The following PCDH7 variants were observed in gnomAD, a reference collection of about 807,000 sequenced individuals.
The protein encoded by PCDH7 is protocadherin 7, also known as protocadherin-7.
In PCDH7, 17 loss-of-function variants were observed where a neutral mutation model predicts 58.9. The observed-to-expected ratio is 0.29, with a 90% confidence interval of 0.20 to 0.43. The LOEUF is 0.43. Among genes scored for constraint, PCDH7 ranks in the 20% least tolerant of loss-of-function variants. The pLI, the probability that PCDH7 is intolerant of heterozygous loss-of-function variation, is 1.00. For missense variants in PCDH7, 1,274 were observed against 1,441.0 expected (o/e 0.88, Z 1.88); for synonymous variants, 664 against 616.4 (o/e 1.08, Z -1.14).
At chr4:30,782,519 A>G (rs995103333) in intron 1 of PCDH7, among the ~76,000 whole-genome samples, 2 of 152,190 alleles carry the variant, frequency 1.3e-5, no homozygotes, top group African/African-American at 2.4e-5. Flanking sequence ...GAGAGAAAAG[A>G]TTTCTTTTTC....
intron 1 of PCDH7, among the ~76,000 whole-genome samples, chr4:30,894,516 T>TATACACACAC (rs1400204196): frequency 3.1e-5 from 1 of 32,208 alleles, no homozygotes; most frequent in Non-Finnish European, 5.1e-5. Flanking sequence ...TATATATATA[T>TATACACACAC]ACACACACAC....
intron 3 of PCDH7, among the ~76,000 whole-genome samples, chr4:30,959,651 T>A (rs2109457791): frequency 6.6e-6 from 1 of 152,296 alleles, no homozygotes; most frequent in Admixed American, 6.5e-5. Context: ...ATTAAATCAA[T>A]TTTAAAGTGC....
intron 1 of PCDH7, among the ~76,000 whole-genome samples, chr4:30,875,227 G>C (rs1387904716): frequency 6.6e-6 from 1 of 152,016 alleles, no homozygotes; most frequent in Non-Finnish European, 1.5e-5. Flanking sequence ...CCATCGTCGT[G>C]TTCACATCTT....
At chr4:31,048,116 C>G (rs1560601772) in intron 3 of PCDH7, among the ~76,000 whole-genome samples, 1 of 151,816 alleles carries the variant, frequency 6.6e-6, no homozygotes, top group Non-Finnish European at 1.5e-5. Context: ...AATTGTATCT[C>G]TACTATCTAG....
At chr4:31,011,869 T>C (rs972572821) in intron 3 of PCDH7, among the ~76,000 whole-genome samples, 1 of 152,060 alleles carries the variant, frequency 6.6e-6, no homozygotes, top group Non-Finnish European at 1.5e-5. Flanking sequence ...ATAATTATTT[T>C]TTAAGGTCTA....
intron 3 of PCDH7, among the ~76,000 whole-genome samples, chr4:31,116,583 G>A (rs1343464533): frequency 2.0e-5 from 3 of 152,140 alleles, no homozygotes; most frequent in South Asian, 2.1e-4. Context: ...AGATCATAGC[G>A]ACTTTGTTAT....
At chr4:30,962,756 G>T (rs1355502520) in intron 3 of PCDH7, among the ~76,000 whole-genome samples, 1 of 141,742 alleles carries the variant, frequency 7.1e-6, no homozygotes, top group East Asian at 2.0e-4. Flanking sequence ...CAGCCTGGGG[G>T]TCAGAATGAG....
At position 30,723,115 on chromosome 4, in the gene PCDH7, G is replaced by C; in HGVS notation, c.1693G>C (p.Gly565Arg). 1 of 1,614,006 alleles carries C rather than the reference G, an allele frequency of 6.2e-7. No homozygotes were observed. Among genetic ancestry groups the C allele is most frequent in the Non-Finnish European group, 8.5e-7 (1 of 1,180,040 alleles). Reference sequence around the variant, plus strand: ...GGTGCTGGCGACAGACGCAGACAGCGGTAAGAACGCCGAGATCGCCTACTC... The same window carrying C: ...GGTGCTGGCGACAGACGCAGACAGCCGTAAGAACGCCGAGATCGCCTACTC... The change falls in exon 1 of 2, where the codon GGT becomes CGT. Residue 565 changes from glycine (G) to arginine (R), a missense_variant. Physicochemically the swap from Gly to Arg is moderately radical, Grantham distance 125. This residue lies in a region of PCDH7 where 731 missense variants were observed against 881.9 expected (regional missense o/e 0.83). Transcript: ENST00000361762. This position sits in a 1 kb window ranked among gnomAD's most constrained non-coding sequence, Gnocchi z 4.6.
intron 3 of PCDH7, among the ~76,000 whole-genome samples, chr4:30,992,220 T>C (rs892964991): frequency 4.6e-5 from 7 of 152,214 alleles, no homozygotes; most frequent in Non-Finnish European, 8.8e-5. Flanking sequence ...CAGGTAGTCT[T>C]ATTTTTAATG....
chr4:30,723,192 C>A lies in PCDH7; in HGVS notation c.1770C>A (p.Asp590Glu), dbSNP rs370445656. 4.3e-6 allele frequency: 7 copies of A among 1,614,022 alleles called. No individual in the cohort carries two copies. The highest frequency in any genetic ancestry group is 4.0e-5 in the African/African-American group (3 of 74,910). The change falls in exon 1 of 2, where the codon GAC becomes GAA. Residue 590 changes from aspartate to glutamate, a missense_variant. By Grantham distance (45) the Asp-to-Glu change is conservative. Transcript: ENST00000361762. This position sits in a 1 kb window ranked among gnomAD's most constrained non-coding sequence, Gnocchi z 4.6. Reference sequence around the variant, plus strand: ...TTGCCATCGATCCCGATTCTGGGGACATCCTGGTCAATACCGTGCTGGACC... The same window carrying A: ...TTGCCATCGATCCCGATTCTGGGGAAATCCTGGTCAATACCGTGCTGGACC...
chr4:31,079,253 T>C (rs1759264979), intron 3 of PCDH7, among the ~76,000 whole-genome samples: 2 of 126,516 alleles, frequency 1.6e-5, no homozygotes, highest in South Asian at 5.2e-4. Flanking sequence ...GAAGACTCCA[T>C]AAACCAAGTG....
At chr4:31,128,028 CAT>C (rs1035635062) in intron 3 of PCDH7, among the ~76,000 whole-genome samples, 77 of 150,068 alleles carry the variant, frequency 5.1e-4, no homozygotes, top group Middle Eastern at 6.9e-3. Flanking sequence ...TATATATATA[CAT>C]ATATATATGT....
At chr4:31,050,704 T>A (rs1002802211) in intron 3 of PCDH7, among the ~76,000 whole-genome samples, 2 of 152,142 alleles carry the variant, frequency 1.3e-5, no homozygotes, top group Non-Finnish European at 2.9e-5. Context: ...AAGAAGCACA[T>A]CTTTATAATT....
chr4:31,049,575 C>T (rs1453060347), intron 3 of PCDH7, among the ~76,000 whole-genome samples: 3 of 152,062 alleles, frequency 2.0e-5, no homozygotes, highest in Admixed American at 2.0e-4. Context: ...TGACAGAACA[C>T]TTGACCCAAA....
chr4:31,044,063 A>G (rs905249362), intron 3 of PCDH7, among the ~76,000 whole-genome samples: 1 of 152,188 alleles, frequency 6.6e-6, no homozygotes, highest in African/African-American at 2.4e-5. Context: ...TAAAAGTGGC[A>G]ATCTCTTAGG....
chr4:30,945,161 AAAAAT>A (rs2109440869), intron 2 of PCDH7, among the ~76,000 whole-genome samples: 1 of 152,206 alleles, frequency 6.6e-6, no homozygotes, highest in South Asian at 2.1e-4. Context: ...AGTTAGAAGG[AAAAAT>A]AAAATAATAT....
intron 1 of PCDH7, among the ~76,000 whole-genome samples, chr4:30,894,596 C>CATAT (rs576995805): frequency 0.024 from 2,950 of 124,044 alleles, 39 homozygotes; most frequent in East Asian, 0.044. Context: ...CACACACACA[C>CATAT]ATATATATAT....
chr4:30,935,239 CT>C (rs1054860882), intron 2 of PCDH7: 7 of 556,520 alleles, frequency 1.3e-5, no homozygotes, highest in African/African-American at 1.0e-4. Flanking sequence ...CTACAACAAT[CT>C]TTTTCCACAT....
At chr4:30,990,230 G>A (rs1208532847) in intron 3 of PCDH7, among the ~76,000 whole-genome samples, 2 of 151,638 alleles carry the variant, frequency 1.3e-5, no homozygotes, top group African/African-American at 2.4e-5. Context: ...TGCAATGATA[G>A]CCTCAAAGAA....
Sources: gnomAD v4.1 joint callset for allele counts (sites outside exome capture counted in the v4.1 genomes callset) on GRCh38, gnomAD v4.1.1 for gene constraint, gnomAD v4.1.1 regional missense constraint, Gnocchi (gnomAD v3.1) non-coding constraint, MANE v1.5 for transcripts, NCBI Gene and HGNC (gene_info 2026-07-23, HGNC 2026-07-21) for gene names.